NAMPT: variants seen among roughly 807,000 people sequenced by gnomAD.
NAMPT encodes the protein NAmPRTase.
NAMPT carries 7 observed loss-of-function variants against 58.7 expected under a neutral mutation model. The ratio of observed to expected loss-of-function variants is 0.12; its 90% CI spans 0.07 to 0.22. The LOEUF is 0.22. Among genes scored for constraint, NAMPT ranks in the 10% least tolerant of loss-of-function variants. The probability of loss-of-function intolerance (pLI) is 1.00; values close to 1 mark genes in which losing one functional copy is unlikely to be tolerated. For synonymous variants in NAMPT, 145 were observed against 198.1 expected (o/e 0.73, Z 2.25); for missense variants, 271 against 567.9 (o/e 0.48, Z 5.31).
intron 4 of NAMPT, chr7:106,270,458 A>G (rs1311205436): frequency 4.7e-6 from 1 of 212,232 alleles, no homozygotes; most frequent in Non-Finnish European, 1.1e-5. Flanking sequence ...ATCTTTTTAA[A>G]AAACTACTTT....
chr7:106,281,649 A>G (rs1792767739), intron 1 of NAMPT, among the ~76,000 whole-genome samples: 1 of 152,210 alleles, frequency 6.6e-6, no homozygotes, highest in African/African-American at 2.4e-5. Context: ...TCTTTTCAGT[A>G]TTATTTAAGA....
chr7:106,274,405 G>T (rs948395797), intron 3 of NAMPT, among the ~76,000 whole-genome samples: 1 of 151,974 alleles, frequency 6.6e-6, no homozygotes, highest in African/African-American at 2.4e-5. Context: ...GATTTAACAT[G>T]GGGGATGCGG....
intron 2 of NAMPT, chr7:106,276,145 TTAAAAGAGTCAAGA>T (rs1792634745): frequency 6.6e-6 from 1 of 152,238 alleles, no homozygotes; most frequent in Non-Finnish European, 1.5e-5. Flanking sequence ...CTGCCTAATC[TTAAAAGAGTCAAGA>T]TTATAGAAAA....
At chr7:106,270,165 A>T (rs1792505092) in intron 4 of NAMPT, 1 of 217,752 alleles carries the variant, frequency 4.6e-6, no homozygotes, top group Non-Finnish European at 1.1e-5. Context: ...GAAGCTCCAC[A>T]GAAAAGTCTG....
At chr7:106,284,326 C>T (rs1250815365) in intron 1 of NAMPT, 1 of 151,534 alleles carries the variant, frequency 6.6e-6, no homozygotes, top group Non-Finnish European at 1.5e-5. Flanking sequence ...ACTTCTCCCA[C>T]CTCGCGCCCC....
chr7:106,282,185 G>C (rs1360432733), intron 1 of NAMPT, among the ~76,000 whole-genome samples: 1 of 151,568 alleles, frequency 6.6e-6, no homozygotes, highest in Non-Finnish European at 1.5e-5. Flanking sequence ...ACAAAAATTT[G>C]TTACTTGGCC....
At chr7:106,285,187 G>T, upstream of NAMPT, 1 of 1,220,912 alleles carries the variant, frequency 8.2e-7, no homozygotes. Flanking sequence ...GGCGGGGCGC[G>T]GCAGCGCGCT....
chr7:106,263,149 C>A, intron 7 of NAMPT: 1 of 463,978 alleles, frequency 2.2e-6, no homozygotes. Flanking sequence ...TGCAGGTAAG[C>A]AGAAAACAAA....
intron 6 of NAMPT, among the ~76,000 whole-genome samples, chr7:106,265,567 TAAAAAAAAAAAA>T (rs35685666): frequency 4.7e-4 from 55 of 116,440 alleles, no homozygotes; most frequent in African/African-American, 1.6e-3. Flanking sequence ...CTCAAAAGCT[TAAAAAAAAAAAA>T]AAAAAAAAAG....
chr7:106,284,246 C>G (rs1172031537), intron 1 of NAMPT: 1 of 152,138 alleles, frequency 6.6e-6, no homozygotes, highest in Non-Finnish European at 1.5e-5. Context: ...ACTACGGCTA[C>G]CGGGGCCAGG....
At chr7:106,256,555 C>A (rs1311962623) in intron 8 of NAMPT, among the ~76,000 whole-genome samples, 2 of 152,166 alleles carry the variant, frequency 1.3e-5, no homozygotes, top group East Asian at 3.8e-4. Context: ...TACAGATGGT[C>A]ACAAACATAC....
intron 8 of NAMPT, among the ~76,000 whole-genome samples, chr7:106,259,825 T>C (rs1330745054): frequency 6.6e-6 from 1 of 152,080 alleles, no homozygotes; most frequent in Non-Finnish European, 1.5e-5. Context: ...TTAACCTCTT[T>C]GTACATCTCC....
chr7:106,285,019 G>A, upstream of NAMPT: 1 of 1,435,492 alleles, frequency 7.0e-7, no homozygotes, highest in East Asian at 2.7e-5. Context: ...GGGGGAAACG[G>A]AGAGAGGGGA....
chr7:106,277,548 T>C lies in NAMPT; in HGVS notation c.58-369A>G, dbSNP rs1312086276. Among the ~76,000 whole-genome samples the C allele has an allele frequency of 2.0e-5, 3 of 152,152 alleles. No homozygotes were observed. The South Asian group carries it at 6.2e-4, about 32-fold the overall frequency. On this transcript the variant is annotated intron_variant, in intron 1 of 10. Coordinates refer to ENST00000222553, the MANE Select transcript of NAMPT (RefSeq NM_005746.3). ...GGAATGAACTGAAAGACAGCAGAATTTGGTACTGCTAATATCTCAATGTGG... is the reference window on the plus strand; with the variant it reads ...GGAATGAACTGAAAGACAGCAGAATCTGGTACTGCTAATATCTCAATGTGG...
At chr7:106,263,233 G>A (rs1031453388) in intron 7 of NAMPT, 159 bp downstream of exon 7, 3 of 618,836 alleles carry the variant, frequency 4.8e-6, no homozygotes, top group Non-Finnish European at 8.7e-6. Flanking sequence ...ATTACTGTGT[G>A]ACCTCAGGCA....
intron 2 of NAMPT, 101 bp downstream of exon 2, chr7:106,276,922 T>G: frequency 1.1e-6 from 1 of 906,160 alleles, no homozygotes; most frequent in South Asian, 1.5e-5. Flanking sequence ...TTATATGATT[T>G]AATGCATCCA....
chr7:106,260,001 C>A (rs942394476), intron 8 of NAMPT, among the ~76,000 whole-genome samples: 16 of 151,178 alleles, frequency 1.1e-4, no homozygotes, highest in Non-Finnish European at 1.5e-4. Context: ...AAAGCACAGG[C>A]AGAGTAGATT....
intron 8 of NAMPT, among the ~76,000 whole-genome samples, chr7:106,256,685 G>T (rs1792206022): frequency 6.6e-6 from 1 of 152,190 alleles, no homozygotes; most frequent in East Asian, 1.9e-4. Context: ...CTGCTCAACT[G>T]TAGGCTACTA....
At chr7:106,281,283 G>A (rs934966551) in intron 1 of NAMPT, among the ~76,000 whole-genome samples, 7 of 151,990 alleles carry the variant, frequency 4.6e-5, no homozygotes, top group African/African-American at 1.7e-4. Flanking sequence ...GGAAAAGAAA[G>A]CCTAGTTTTC....
Sources: allele counts gnomAD v4.1 joint callset (sites outside exome capture counted in the v4.1 genomes callset), GRCh38; gene constraint gnomAD v4.1.1; transcripts MANE v1.5; gene names NCBI Gene and HGNC (gene_info 2026-07-23, HGNC 2026-07-21).